Variants in PDE1A observed in about 807,000 individuals in gnomAD.
PDE1A encodes dual specificity calcium/calmodulin-dependent 3',5'-cyclic nucleotide phosphodiesterase 1A.
In PDE1A, 35 loss-of-function variants were observed where a neutral mutation model predicts 61.7. The observed-to-expected ratio is 0.57, with a 90% CI of 0.43 to 0.75. PDE1A has a LOEUF of 0.75. PDE1A is among the 30% of genes least tolerant of loss of function. The pLI is 0.00. For synonymous variants in PDE1A, 232 were observed against 213.2 expected (o/e 1.09, Z -0.77); for missense variants, 597 against 630.6 (o/e 0.95, Z 0.57).
chr2:182,279,361 T>C (rs1553563696), intron 1 of PDE1A, among the ~76,000 whole-genome samples: 1 of 151,956 alleles, frequency 6.6e-6, no homozygotes, highest in Non-Finnish European at 1.5e-5. Flanking sequence ...TCTTTAGGAC[T>C]TGTTCCCTGG....
chr2:182,493,729 C>T (rs571853781), intron 2 of PDE1A, among the ~76,000 whole-genome samples: 4 of 152,238 alleles, frequency 2.6e-5, no homozygotes, highest in East Asian at 3.9e-4. Context: ...TATACACGAC[C>T]GAATACTATG....
At chr2:182,386,051 C>T (rs985487931) in intron 1 of PDE1A, among the ~76,000 whole-genome samples, 3 of 152,210 alleles carry the variant, frequency 2.0e-5, no homozygotes, top group African/African-American at 4.8e-5. Flanking sequence ...GACGGGGTTT[C>T]GCTGTGTTGG....
chr2:182,189,081 T>C lies in PDE1A; in HGVS notation c.1126-21A>G, dbSNP rs1428842980. 1.2e-5 allele frequency: 19 copies of C among 1,545,906 alleles called. No homozygotes were observed. The African/African-American group carries it at 2.0e-4, about 17-fold the overall frequency. On this transcript the variant is annotated intron_variant, in intron 10 of 13. Transcript: ENST00000351439. ...TCTCCCTGGAGAAAGAAAAGCACAT[T>C]AATATAGACTTGGGTTGGAGAAGCT...
At chr2:182,480,776 T>C (rs1246243000) in intron 2 of PDE1A, among the ~76,000 whole-genome samples, 1 of 151,890 alleles carries the variant, frequency 6.6e-6, no homozygotes, top group Non-Finnish European at 1.5e-5. Context: ...CTGCCACACA[T>C]GTGCATGTAC....
intron 1 of PDE1A, among the ~76,000 whole-genome samples, chr2:182,273,793 C>G (rs1008831476): frequency 2.6e-5 from 4 of 151,986 alleles, no homozygotes; most frequent in African/African-American, 9.7e-5. Context: ...TCCTGAAGCA[C>G]TAAGGTGGTG....
At chr2:182,653,935 C>A in the PDE1A span, among the ~76,000 whole-genome samples, 1 of 152,272 alleles carries the variant, frequency 6.6e-6, no homozygotes, top group East Asian at 1.9e-4. Flanking sequence ...ATCATCGTCA[C>A]TACACATGGA....
chr2:182,532,825 G>GTAGTCCCA, the PDE1A span, among the ~76,000 whole-genome samples: 1 of 151,358 alleles, frequency 6.6e-6, no homozygotes, highest in Non-Finnish European at 1.5e-5. Flanking sequence ...GTGGGCGCCT[G>GTAGTCCCA]TAGTCCCAGC....
the PDE1A span, among the ~76,000 whole-genome samples, chr2:182,644,291 G>C: frequency 1.6e-4 from 24 of 148,740 alleles, no homozygotes; most frequent in Admixed American, 7.4e-4. Flanking sequence ...GTGTGTGTGT[G>C]TGTGTGTGTC....
the PDE1A span, among the ~76,000 whole-genome samples, chr2:182,596,471 G>T: frequency 6.6e-6 from 1 of 152,168 alleles, no homozygotes; most frequent in African/African-American, 2.4e-5. Context: ...GAGAAGGAAA[G>T]CCAGTGAAAT....
At chr2:182,695,680 A>AAAAAAAG in the PDE1A span, among the ~76,000 whole-genome samples, 1 of 97,826 alleles carries the variant, frequency 1.0e-5, no homozygotes, top group Non-Finnish European at 2.4e-5. Flanking sequence ...AAAAAAAAAA[A>AAAAAAAG]AAAAAGAAAA....
chr2:182,206,153 G>T, intron 7 of PDE1A, 88 bp from the exon 8 acceptor site: 1 of 1,012,492 alleles, frequency 9.9e-7, no homozygotes, highest in South Asian at 2.3e-5. Context: ...CAAGTCATGT[G>T]ACCAGAAAAC....
chr2:182,569,254 AAT>A, the PDE1A span, among the ~76,000 whole-genome samples: 40,040 of 138,322 alleles, frequency 0.29, 5,947 homozygotes, highest in East Asian at 0.4. Flanking sequence ...ACCTGTCTCA[AAT>A]ATATATATAT....
the PDE1A span, among the ~76,000 whole-genome samples, chr2:182,630,959 C>T: frequency 6.6e-6 from 1 of 151,844 alleles, no homozygotes; most frequent in Non-Finnish European, 1.5e-5. Context: ...CTCCAGAAAA[C>T]AGAACTAATC....
chr2:182,372,792 G>A (rs746681697), intron 1 of PDE1A, among the ~76,000 whole-genome samples: 7 of 152,200 alleles, frequency 4.6e-5, no homozygotes, highest in African/African-American at 7.2e-5. Context: ...GCAGACCAAC[G>A]GTTAGCACTG....
At chr2:182,323,218 T>C (rs1258252803) in intron 1 of PDE1A, among the ~76,000 whole-genome samples, 3 of 152,148 alleles carry the variant, frequency 2.0e-5, no homozygotes, top group Non-Finnish European at 4.4e-5. Context: ...CAGAAAAACA[T>C]ACCCGGTTTA....
chr2:182,319,732 A>G (rs547823610), intron 1 of PDE1A, among the ~76,000 whole-genome samples: 2 of 152,310 alleles, frequency 1.3e-5, no homozygotes, highest in East Asian at 1.9e-4. Flanking sequence ...GAATGACTTC[A>G]GCTCCTGCTG....
intron 10 of PDE1A, among the ~76,000 whole-genome samples, chr2:182,190,823 G>C (rs965618568): frequency 6.6e-6 from 1 of 152,014 alleles, no homozygotes; most frequent in East Asian, 1.9e-4. Context: ...AGGTGTGGTG[G>C]CATGTGCCTG....
At chr2:182,165,176 T>C (rs1691591298), downstream of PDE1A, among the ~76,000 whole-genome samples, 3 of 152,150 alleles carry the variant, frequency 2.0e-5, no homozygotes. Context: ...CAGGAATCAA[T>C]AGGTAGAAAT....
the PDE1A span, among the ~76,000 whole-genome samples, chr2:182,556,926 T>G: frequency 6.6e-6 from 1 of 152,220 alleles, no homozygotes; most frequent in Non-Finnish European, 1.5e-5. Flanking sequence ...ATACACATTT[T>G]CACTGAAAGC....
Sources: gnomAD v4.1 joint callset for allele counts (sites outside exome capture counted in the v4.1 genomes callset) on GRCh38, gnomAD v4.1.1 for gene constraint, MANE v1.5 for transcripts, NCBI Gene and HGNC (gene_info 2026-07-23, HGNC 2026-07-21) for gene names.